Variants in CNIH3 observed in about 807,000 individuals in gnomAD.
The protein encoded by CNIH3 is cornichon family AMPA receptor auxiliary protein 3, also known as protein cornichon homolog 3.
Under a neutral mutation model 24.1 loss-of-function variants are expected in CNIH3, and 14 were observed. The observed-to-expected ratio is 0.58, with a 90% confidence interval of 0.38 to 0.91. CNIH3 has a LOEUF of 0.91. CNIH3 is among the 40% of genes least tolerant of loss of function. CNIH3 has a pLI of 0.00. For missense variants in CNIH3, 178 were observed against 196.8 expected (o/e 0.90, Z 0.57); for synonymous variants, 68 against 73.8 (o/e 0.92, Z 0.40).
At chr1:224,583,103 A>C (rs560380429) in intron 4 of CNIH3, 1 of 152,324 alleles carries the variant, frequency 6.6e-6, no homozygotes, top group Admixed American at 6.5e-5. Flanking sequence ...TTCTGGGTCC[A>C]CTTGAGTCTG....
intron 1 of CNIH3, among the ~76,000 whole-genome samples, chr1:224,634,901 C>G (rs1487684345): frequency 6.6e-6 from 1 of 152,202 alleles, no homozygotes; most frequent in African/African-American, 2.4e-5. Flanking sequence ...TCATAATTAG[C>G]AAAGTTGGCA....
chr1:224,489,411 C>T (rs568582323), intron 1 of CNIH3, among the ~76,000 whole-genome samples: 3 of 152,248 alleles, frequency 2.0e-5, no homozygotes, highest in African/African-American at 7.2e-5. Flanking sequence ...TGGTTCACAC[C>T]AGTAAGACTT....
At chr1:224,541,320 T>C (rs1679503101), downstream of CNIH3, among the ~76,000 whole-genome samples, 2 of 152,172 alleles carry the variant, frequency 1.3e-5, no homozygotes, top group African/African-American at 4.8e-5. Context: ...CACTTCCAAA[T>C]TTATGGCTTT....
intron 1 of CNIH3, among the ~76,000 whole-genome samples, chr1:224,479,917 C>T (rs561032369): frequency 7.2e-5 from 11 of 152,274 alleles, no homozygotes; most frequent in South Asian, 2.1e-4. Flanking sequence ...TGGAGGACAG[C>T]GGCCCTATTT....
chr1:224,646,743 G>C (rs1684625467), intron 1 of CNIH3, among the ~76,000 whole-genome samples: 1 of 152,120 alleles, frequency 6.6e-6, no homozygotes, highest in South Asian at 2.1e-4. Flanking sequence ...AGGGGACAAG[G>C]CTGAGCCAAT....
rs150172710 is a variant in CNIH3 at position 224,630,445 on chromosome 1, AC to A, written c.81+13191del. The stretch of plus-strand genomic sequence containing the variant: ...TAATGTTTTTCAGCTGCCTTGAGTC[AC>A]AAACGTGATTTAAAAAACAACCAGA... On this transcript the variant is annotated intron_variant, in intron 1 of 5. Transcript: ENST00000272133. Among the ~76,000 whole-genome samples, 1,261 of 152,236 alleles carry A rather than the reference AC, an allele frequency of 8.3e-3. 21 individuals are homozygous for A. Among genetic ancestry groups the A allele is most frequent in the African/African-American group, 0.029 (1,204 of 41,546 alleles).
Position 224,559,045 on chromosome 1 carries a change from C to A in CNIH3, n.451-7154C>A, listed in dbSNP as rs544316949. 5.8e-4 allele frequency among the ~76,000 whole-genome samples: 89 copies of A among 152,210 alleles called. 1 individual carries two copies. In the South Asian group the frequency reaches 0.017, roughly 29 times the overall value. On this transcript the variant is annotated intron_variant and non_coding_transcript_variant, in intron 3 of 5. Transcript: ENST00000471578. ...TAAAAGCACGCTTTGCAAACTGGTA[C>A]CTAAAGTACGTTGGTAAAATTAGTC... is the stretch of plus-strand genomic sequence containing the variant.
At chr1:224,585,522 A>G (rs552991857) in intron 5 of CNIH3, among the ~76,000 whole-genome samples, 2 of 151,288 alleles carry the variant, frequency 1.3e-5, no homozygotes, top group South Asian at 2.1e-4. Flanking sequence ...TCCATTGCCC[A>G]GGCTGGATTG....
chr1:224,645,780 C>A (rs868298626), intron 1 of CNIH3, among the ~76,000 whole-genome samples: 3 of 152,358 alleles, frequency 2.0e-5, no homozygotes, highest in Middle Eastern at 3.4e-3. Context: ...ATTCCCCACC[C>A]CATAACATGG....
chr1:224,464,378 G>A (rs1158714225), intron 1 of CNIH3, among the ~76,000 whole-genome samples: 1 of 151,696 alleles, frequency 6.6e-6, no homozygotes, highest in Non-Finnish European at 1.5e-5. Flanking sequence ...GGATCCTCCT[G>A]CCTCAGCCTC....
rs373071743 is a variant in CNIH3 at position 224,681,534 on chromosome 1, T to C, written c.150+508T>C. 1.2e-4 allele frequency among the ~76,000 whole-genome samples: 19 copies of C among 152,224 alleles called. 1 individual carries two copies. In the South Asian group the frequency reaches 3.9e-3, roughly 32 times the overall value. ...GATCAGCTCACCTCTGCCTGGAGGA[T>C]TTGGTGCAGTCTGATTGTCCTGGTC... On this transcript the variant is annotated intron_variant, in intron 2 of 5. Coordinates refer to ENST00000272133, the MANE Select transcript of CNIH3 (RefSeq NM_152495.2).
chr1:224,684,921 G>C lies in CNIH3; in HGVS notation c.198+78G>C. On this transcript the variant is annotated intron_variant, in intron 3 of 5. Coordinates refer to ENST00000272133, the MANE Select transcript of CNIH3 (RefSeq NM_152495.2). The surrounding 1 kb of genome is among the most constrained non-coding windows in gnomAD (Gnocchi z 4.2). Reference sequence around the variant, plus strand: ...GCACACAGTGAAAGAGGCTAGTGAGGCTCTGCCTGCTCCAGTCCTGTCCAC... The same window carrying C: ...GCACACAGTGAAAGAGGCTAGTGAGCCTCTGCCTGCTCCAGTCCTGTCCAC... 13 of 1,318,568 alleles carry C rather than the reference G, an allele frequency of 9.9e-6. No homozygotes were observed. Among genetic ancestry groups the C allele is most frequent in the East Asian group, 4.6e-5 (2 of 43,506 alleles). 81.7% of individuals were successfully genotyped at this position (1,318,568 alleles called of 1,614,324 possible).
At chr1:224,584,274 A>G (rs12046431) in intron 5 of CNIH3, among the ~76,000 whole-genome samples, 6 of 152,240 alleles carry the variant, frequency 3.9e-5, no homozygotes, top group African/African-American at 1.2e-4. Context: ...TTTCTATTGC[A>G]TAGAGAAGTA....
At chr1:224,439,003 T>C (rs955610339) in intron 1 of CNIH3, among the ~76,000 whole-genome samples, 2 of 152,236 alleles carry the variant, frequency 1.3e-5, no homozygotes, top group African/African-American at 4.8e-5. Flanking sequence ...GTTTCTGAGC[T>C]GTGACTCTGT....
chr1:224,569,452 A>T (rs1212205111), intron 4 of CNIH3, among the ~76,000 whole-genome samples: 2 of 152,158 alleles, frequency 1.3e-5, no homozygotes, highest in African/African-American at 4.8e-5. Context: ...CATTGTTTCC[A>T]TTTTTAAAAC....
intron 1 of CNIH3, among the ~76,000 whole-genome samples, chr1:224,464,038 C>G (rs905070479): frequency 6.6e-6 from 1 of 151,834 alleles, no homozygotes; most frequent in African/African-American, 2.4e-5. Context: ...ATCCGCCCAC[C>G]TCAGCCTCCC....
chr1:224,545,727 T>C (rs1679678539), intron 2 of CNIH3, among the ~76,000 whole-genome samples: 1 of 152,198 alleles, frequency 6.6e-6, no homozygotes, highest in Non-Finnish European at 1.5e-5. Flanking sequence ...CAAAGTGTGA[T>C]GAAGAGGGTA....
At position 224,604,471 on chromosome 1, in the gene CNIH3, GACT is replaced by G. The variant is rs199555413; in HGVS notation, n.402+38208_402+38210del. 8.3e-3 allele frequency among the ~76,000 whole-genome samples: 1,261 copies of G among 152,292 alleles called. 21 individuals carry two copies. The highest frequency in any genetic ancestry group is 0.029 in the African/African-American group (1,203 of 41,554). ...GGGAAGTGAGAAGCAGCTTCCTGTG[GACT>G]GGACAGAGGCTGAGATGGAGCCTCT... On this transcript the variant is annotated intron_variant and non_coding_transcript_variant, in intron 3 of 7. Transcript: ENST00000478120. This position sits in a 1 kb window ranked among gnomAD's most constrained non-coding sequence, Gnocchi z 4.4.
At chr1:224,472,007 T>C (rs190212580) in intron 1 of CNIH3, among the ~76,000 whole-genome samples, 5 of 152,358 alleles carry the variant, frequency 3.3e-5, no homozygotes, top group Admixed American at 2.6e-4. Flanking sequence ...CTATTGTCAA[T>C]AGTGCTGCAG....
Sources: allele counts gnomAD v4.1 joint callset (sites outside exome capture counted in the v4.1 genomes callset), GRCh38; gene constraint gnomAD v4.1.1; non-coding constraint Gnocchi (gnomAD v3.1); transcripts MANE v1.5; gene names NCBI Gene and HGNC (gene_info 2026-07-23, HGNC 2026-07-21).